SUMF1: variants seen among roughly 807,000 people sequenced by gnomAD.
SUMF1 encodes the protein formylglycine-generating enzyme.
A neutral mutation model predicts 47.6 loss-of-function variants in SUMF1; 48 were observed. That is an observed-to-expected ratio of 1.01 (90% CI 0.80 to 1.28). SUMF1 has a LOEUF of 1.28. Ranked by LOEUF, SUMF1 falls within the 50% of genes most tolerant of loss-of-function variation. SUMF1 has a pLI of 0.00. For synonymous variants in SUMF1, 230 were observed against 192.1 expected (o/e 1.20, Z -1.63); for missense variants, 571 against 485.4 (o/e 1.18, Z -1.66).
chr3:4,272,429 G>A (rs1697323395), intron 8 of SUMF1, among the ~76,000 whole-genome samples: 1 of 152,118 alleles, frequency 6.6e-6, no homozygotes, highest in East Asian at 1.9e-4. Context: ...ACATCAACCA[G>A]CCGTTGGATA....
At chr3:4,221,416 T>G (rs199874365) in intron 8 of SUMF1, among the ~76,000 whole-genome samples, 697 of 13,440 alleles carry the variant, frequency 0.052, 2 homozygotes, top group Non-Finnish European at 0.071. Flanking sequence ...TTTTTTGGGG[T>G]GTGTGTGTGT....
chr3:4,334,803 C>A (rs1407173354), intron 8 of SUMF1, among the ~76,000 whole-genome samples: 5 of 152,116 alleles, frequency 3.3e-5, no homozygotes, highest in African/African-American at 9.7e-5. Context: ...GAACTCAAGC[C>A]CTGATGGGAA....
At chr3:4,043,077 C>G (rs1694939898) in intron 9 of SUMF1, among the ~76,000 whole-genome samples, 1 of 152,128 alleles carries the variant, frequency 6.6e-6, no homozygotes, top group South Asian at 2.1e-4. Context: ...CGTTCCCTGG[C>G]TCTCCCCCTG....
intron 8 of SUMF1, among the ~76,000 whole-genome samples, chr3:4,090,090 T>C (rs2125052106): frequency 6.6e-6 from 1 of 152,266 alleles, no homozygotes; most frequent in East Asian, 1.9e-4. Flanking sequence ...ACTAGCACAG[T>C]GCCTGGCCAT....
chr3:4,121,815 C>T (rs1267455285), intron 8 of SUMF1, among the ~76,000 whole-genome samples: 1 of 151,962 alleles, frequency 6.6e-6, no homozygotes, highest in African/African-American at 2.4e-5. Flanking sequence ...TTCATCACCC[C>T]AGTATTAAGC....
intron 8 of SUMF1, among the ~76,000 whole-genome samples, chr3:4,185,604 A>G (rs1445377052): frequency 2.6e-5 from 4 of 152,182 alleles, no homozygotes; most frequent in Non-Finnish European, 5.9e-5. Context: ...GAACTGTAGC[A>G]GTTGAAAGTT....
chr3:4,061,650 G>A (rs536519016), intron 9 of SUMF1, among the ~76,000 whole-genome samples: 2 of 152,194 alleles, frequency 1.3e-5, no homozygotes, highest in East Asian at 1.9e-4. Flanking sequence ...CAAACTGCTG[G>A]CATTTTGGTA....
At chr3:4,336,311 T>TTACAGA (rs1391581996) in intron 8 of SUMF1, among the ~76,000 whole-genome samples, 4 of 152,264 alleles carry the variant, frequency 2.6e-5, no homozygotes, top group Admixed American at 2.6e-4. Flanking sequence ...CTTGTGAGGG[T>TTACAGA]CTGATTAGCT....
At chr3:4,207,666 T>A (rs1695682100) in intron 8 of SUMF1, among the ~76,000 whole-genome samples, 1 of 152,112 alleles carries the variant, frequency 6.6e-6, no homozygotes, top group African/African-American at 2.4e-5. Context: ...GAATCACTAC[T>A]CCATCCAAAC....
intron 7 of SUMF1, among the ~76,000 whole-genome samples, chr3:4,379,840 CAAAAAAAAAAAAAA>C (rs58264459): frequency 3.9e-5 from 3 of 76,884 alleles, no homozygotes; most frequent in Non-Finnish European, 7.2e-5. Flanking sequence ...GCCTCCATCT[CAAAAAAAAAAAAAA>C]AAAAAAAAAA....
At chr3:4,088,274 C>T (rs2125050860) in intron 8 of SUMF1, among the ~76,000 whole-genome samples, 1 of 152,214 alleles carries the variant, frequency 6.6e-6, no homozygotes, top group East Asian at 1.9e-4. Flanking sequence ...TTTTACAATG[C>T]CCTGATATTG....
chr3:4,327,255 A>T (rs1243952581), intron 8 of SUMF1, among the ~76,000 whole-genome samples: 1 of 152,224 alleles, frequency 6.6e-6, no homozygotes, highest in Non-Finnish European at 1.5e-5. Context: ...TGGGGTTAGC[A>T]AGCCTCATGA....
At chr3:4,420,331 A>G (rs567464144) in intron 3 of SUMF1, among the ~76,000 whole-genome samples, 185 bp from the exon 4 acceptor site, 1 of 152,302 alleles carries the variant, frequency 6.6e-6, no homozygotes, top group African/African-American at 2.4e-5. Flanking sequence ...AAAAAGTATT[A>G]CTTCATATCA....
chr3:4,229,904 T>C (rs1293511717), intron 8 of SUMF1, among the ~76,000 whole-genome samples: 2 of 152,004 alleles, frequency 1.3e-5, no homozygotes, highest in Non-Finnish European at 2.9e-5. Flanking sequence ...TTCCAGCTAC[T>C]CTGGAGGCTG....
intron 8 of SUMF1, among the ~76,000 whole-genome samples, chr3:4,326,651 C>A (rs990177391): frequency 6.6e-6 from 1 of 151,500 alleles, no homozygotes; most frequent in Admixed American, 6.6e-5. Flanking sequence ...CTGAGTAGCT[C>A]GGACTACAGA....
intron 8 of SUMF1, among the ~76,000 whole-genome samples, chr3:4,352,841 A>G (rs117008365): frequency 6.6e-6 from 1 of 152,288 alleles, no homozygotes; most frequent in East Asian, 1.9e-4. Context: ...CTCCCAAAAC[A>G]AACAGGAAGG....
chr3:4,261,836 A>C (rs1697093734), intron 8 of SUMF1, among the ~76,000 whole-genome samples: 1 of 152,200 alleles, frequency 6.6e-6, no homozygotes, highest in African/African-American at 2.4e-5. Flanking sequence ...CTGGCACCTG[A>C]GTACTGATGT....
rs569786202 is a variant in SUMF1, at chr3:4,191,949, G to A, written c.1015-123204C>T. ...GAGAGATTAATTCTGTGAGAAGAGT[G>A]TTATTTTAACTGACATCAGAGAAGG... is the stretch of plus-strand genomic sequence containing the variant. On this transcript the variant is annotated intron_variant and NMD_transcript_variant, in intron 8 of 12. Transcript: ENST00000448413. Among the ~76,000 whole-genome samples the A allele has an allele frequency of 1.8e-4, 28 of 152,260 alleles. 1 individual carries two copies. The South Asian group carries it at 4.6e-3, about 25-fold the overall frequency.
chr3:4,422,889 G>T (rs531103168), intron 3 of SUMF1, among the ~76,000 whole-genome samples: 2 of 151,808 alleles, frequency 1.3e-5, no homozygotes, highest in Non-Finnish European at 2.9e-5. Flanking sequence ...TGAGATTTTG[G>T]TGCACCCATC....
Sources: allele counts gnomAD v4.1 joint callset (sites outside exome capture counted in the v4.1 genomes callset), GRCh38; gene constraint gnomAD v4.1.1; transcripts MANE v1.5; gene names NCBI Gene and HGNC (gene_info 2026-07-23, HGNC 2026-07-21).